Variants in EPHA4 observed in about 807,000 individuals in gnomAD.
EPHA4 encodes ephrin type-A receptor 4.
EPHA4 carries 19 observed loss-of-function variants against 108.3 expected under a neutral mutation model. The ratio of observed to expected loss-of-function variants is 0.18; its 90% CI spans 0.12 to 0.26. The LOEUF (loss-of-function observed/expected upper bound fraction) is 0.26, where lower values mean the gene tolerates loss of function less well. EPHA4 is among the 10% of genes least tolerant of loss of function. The pLI is 1.00. For synonymous variants in EPHA4, 449 were observed against 455.5 expected, an observed-to-expected ratio of 0.99 and a Z score of 0.18; for missense variants, 917 against 1,254.0, an observed-to-expected ratio of 0.73 and a Z score of 4.06.
intron 8 of EPHA4, 61 bp from the exon 9 acceptor site, chr2:221,446,242 G>T (rs1402278333): frequency 5.8e-5 from 59 of 1,024,052 alleles, no homozygotes; most frequent in South Asian, 1.8e-4. Flanking sequence ...TTTAACACAT[G>T]CCATAAGACA....
At chr2:221,568,613 T>G in intron 2 of EPHA4, 105 bp downstream of exon 2, 1 of 849,002 alleles carries the variant, frequency 1.2e-6, no homozygotes, top group Non-Finnish European at 1.9e-6. Flanking sequence ...AGCGGAAATC[T>G]GACCCCCTCA....
chr2:221,432,741 T>G (rs1338649507), intron 14 of EPHA4, among the ~76,000 whole-genome samples: 1 of 151,720 alleles, frequency 6.6e-6, no homozygotes, highest in Non-Finnish European at 1.5e-5. Flanking sequence ...CCTCCCAGGT[T>G]CAAGCGATTA....
intron 2 of EPHA4, among the ~76,000 whole-genome samples, chr2:221,567,384 A>G (rs1694699843): frequency 6.6e-6 from 1 of 152,198 alleles, no homozygotes; most frequent in Non-Finnish European, 1.5e-5. Context: ...TCTCACCAAG[A>G]TAAAGCCGTA....
intron 4 of EPHA4, among the ~76,000 whole-genome samples, chr2:221,489,047 T>TA (rs1393871928): frequency 6.6e-6 from 1 of 152,226 alleles, no homozygotes. Flanking sequence ...TAATGTCATT[T>TA]AAAAGCCGTC....
chr2:221,566,742 A>T (rs1406306722), intron 2 of EPHA4, among the ~76,000 whole-genome samples: 1 of 150,784 alleles, frequency 6.6e-6, no homozygotes, highest in Non-Finnish European at 1.5e-5. Context: ...GTGTCTAGAA[A>T]AAGTGACCAG....
At chr2:221,513,403 G>T (rs940706400) in intron 3 of EPHA4, among the ~76,000 whole-genome samples, 5 of 152,154 alleles carry the variant, frequency 3.3e-5, no homozygotes, top group African/African-American at 1.2e-4. Context: ...GCTAGTCATT[G>T]TCATCCAAAC....
At chr2:221,527,161 TACA>T (rs1473553921) in intron 3 of EPHA4, among the ~76,000 whole-genome samples, 1 of 152,128 alleles carries the variant, frequency 6.6e-6, no homozygotes, top group Admixed American at 6.5e-5. Flanking sequence ...ACTTTGTCCT[TACA>T]ACAACATAGG....
At chr2:221,459,905 G>T (rs1691087463) in intron 5 of EPHA4, among the ~76,000 whole-genome samples, 1 of 152,194 alleles carries the variant, frequency 6.6e-6, no homozygotes, top group Non-Finnish European at 1.5e-5. Flanking sequence ...GTCAGATCCT[G>T]ATAATCGACA....
chr2:221,541,700 A>T (rs1693844032), intron 3 of EPHA4, among the ~76,000 whole-genome samples: 1 of 152,214 alleles, frequency 6.6e-6, no homozygotes, highest in Admixed American at 6.5e-5. Context: ...GTTACCAACA[A>T]ACCACTTTCC....
rs115681684 is a variant in EPHA4, at chr2:221,462,922, G to A, written c.1319-4932C>T. Among the ~76,000 whole-genome samples the A allele has an allele frequency of 5.9e-3, 899 of 152,320 alleles. 9 individuals are homozygous for A. The highest frequency in any genetic ancestry group is 0.021 in the African/African-American group (855 of 41,572). ...TCTCCTCTGTATCTGTAGGGCATAT[G>A]CAAATAGTTCTCCTGACTTCTTAAC... On this transcript the variant is annotated intron_variant, in intron 5 of 17. Transcript: ENST00000281821.
chr2:221,425,501 G>C lies in EPHA4; in HGVS notation c.*527C>G, dbSNP rs1472699993. ...TGAGCACTGAAGAGGCAACACTAAT[G>C]AGCCACGTCGCTTTCTCCTAGGACT... is the stretch of plus-strand genomic sequence containing the variant. On this transcript the variant is annotated 3_prime_UTR_variant, in exon 17 of 18. Transcript: ENST00000281821. 1 of 152,968 alleles carries C rather than the reference G, an allele frequency of 6.5e-6. No individual in the cohort carries two copies. Among genetic ancestry groups the C allele is most frequent in the East Asian group, 1.9e-4 (1 of 5,216 alleles). The allele number at this position is 152,968 out of a possible 1,614,324, so 9.5% of individuals were successfully genotyped here.
At chr2:221,539,483 A>G (rs1304897704) in intron 3 of EPHA4, among the ~76,000 whole-genome samples, 1 of 152,160 alleles carries the variant, frequency 6.6e-6, no homozygotes, top group Admixed American at 6.5e-5. Context: ...GCTTCTGTAG[A>G]ACCTTGTGGA....
At chr2:221,536,087 A>T (rs1461736358) in intron 3 of EPHA4, among the ~76,000 whole-genome samples, 1 of 152,296 alleles carries the variant, frequency 6.6e-6, no homozygotes, top group Non-Finnish European at 1.5e-5. Context: ...GCCTTTCTAG[A>T]TAACTGTCAA....
intron 3 of EPHA4, among the ~76,000 whole-genome samples, chr2:221,510,050 T>C (rs188859479): frequency 9.2e-5 from 14 of 152,284 alleles, no homozygotes; most frequent in Non-Finnish European, 1.9e-4. Context: ...TCACTAAGAG[T>C]AACTCATTAT....
intron 15 of EPHA4, among the ~76,000 whole-genome samples, chr2:221,428,267 G>A (rs530260850): frequency 2.6e-5 from 4 of 152,306 alleles, no homozygotes; most frequent in Middle Eastern, 3.4e-3. Context: ...TTAACTTTAA[G>A]GGTGGTTCTT....
intron 2 of EPHA4, 142 bp from the exon 3 acceptor site, chr2:221,564,536 A>G: frequency 1.2e-6 from 1 of 808,556 alleles, no homozygotes; most frequent in East Asian, 2.5e-5. Context: ...ATCACTAATA[A>G]AGGATCTTAT....
At chr2:221,483,804 T>C (rs1379357183) in intron 4 of EPHA4, among the ~76,000 whole-genome samples, 2 of 151,948 alleles carry the variant, frequency 1.3e-5, no homozygotes, top group Non-Finnish European at 2.9e-5. Flanking sequence ...CCGGCCATGA[T>C]TGGTCTTAAT....
At chr2:221,553,320 C>T (rs564177607) in intron 3 of EPHA4, among the ~76,000 whole-genome samples, 2 of 152,110 alleles carry the variant, frequency 1.3e-5, no homozygotes, top group Non-Finnish European at 2.9e-5. Flanking sequence ...GAGACAGCTG[C>T]GATCCTAATG....
chr2:221,517,270 A>T (rs1693016641), intron 3 of EPHA4, among the ~76,000 whole-genome samples: 1 of 152,210 alleles, frequency 6.6e-6, no homozygotes, highest in Non-Finnish European at 1.5e-5. Context: ...CAGAAGGCCT[A>T]CAGTAGGCAT....
Sources: allele counts gnomAD v4.1 joint callset (sites outside exome capture counted in the v4.1 genomes callset), GRCh38; gene constraint gnomAD v4.1.1; transcripts MANE v1.5; gene names NCBI Gene and HGNC (gene_info 2026-07-23, HGNC 2026-07-21).